MARCHF11: variants seen among roughly 807,000 people sequenced by gnomAD.
The protein encoded by MARCHF11 is E3 ubiquitin-protein ligase MARCHF11.
Under a neutral mutation model 37.3 loss-of-function variants are expected in MARCHF11, and 29 were observed. The ratio of observed to expected loss-of-function variants is 0.78; its 90% CI spans 0.58 to 1.06. MARCHF11 has a LOEUF of 1.06. Ranked by LOEUF, MARCHF11 falls within the 50% of genes least tolerant of loss-of-function variation. MARCHF11 has a pLI of 0.00. For synonymous variants in MARCHF11, 233 were observed against 228.0 expected, an observed-to-expected ratio of 1.02 and a Z score of -0.20; for missense variants, 482 against 533.4, an observed-to-expected ratio of 0.90 and a Z score of 0.95.
intron 2 of MARCHF11, among the ~76,000 whole-genome samples, chr5:16,104,103 G>A (rs1415512680): frequency 6.6e-6 from 1 of 152,140 alleles, no homozygotes; most frequent in Non-Finnish European, 1.5e-5. Context: ...CAGAGACTTC[G>A]TGTATCACCA....
intron 1 of MARCHF11, 32 bp from the exon 2 acceptor site, chr5:16,177,913 G>C (rs754493476): frequency 1.3e-6 from 2 of 1,557,250 alleles, no homozygotes; most frequent in East Asian, 2.3e-5. Context: ...GTGAATATCT[G>C]TGTCTGTGTC....
At chr5:16,163,133 C>T (rs1738111892) in intron 2 of MARCHF11, among the ~76,000 whole-genome samples, 1 of 151,944 alleles carries the variant, frequency 6.6e-6, no homozygotes, top group Non-Finnish European at 1.5e-5. Flanking sequence ...GTCAGCATAA[C>T]TTCATAATCA....
At position 16,101,262 on chromosome 5, in the gene MARCHF11, G is replaced by A. The variant is rs147529382; in HGVS notation, c.694-10181C>T. ...TGCATTTTAGGCTCCTGTAGTCCCA[G>A]CTACTCAGGAGGCTGAGGCAGGAGA... On this transcript the variant is annotated intron_variant, in intron 2 of 3. Coordinates refer to ENST00000332432, the MANE Select transcript of MARCHF11 (RefSeq NM_001102562.3). 1.2e-3 allele frequency among the ~76,000 whole-genome samples: 189 copies of A among 152,280 alleles called. 4 individuals are homozygous for A. The highest frequency in any genetic ancestry group is 4.3e-3 in the African/African-American group (177 of 41,538).
chr5:16,130,590 G>C (rs1737500579), intron 2 of MARCHF11, among the ~76,000 whole-genome samples: 1 of 152,078 alleles, frequency 6.6e-6, no homozygotes, highest in Non-Finnish European at 1.5e-5. Flanking sequence ...AATTCTCTTG[G>C]TGATGGCATA....
intron 2 of MARCHF11, among the ~76,000 whole-genome samples, chr5:16,108,288 G>T (rs897693976): frequency 1.3e-5 from 2 of 152,166 alleles, no homozygotes; most frequent in Admixed American, 1.3e-4. Context: ...TCCAACACCT[G>T]CCTGTCTGCA....
chr5:16,160,231 T>G (rs1355580072), intron 2 of MARCHF11, among the ~76,000 whole-genome samples: 1 of 147,388 alleles, frequency 6.8e-6, no homozygotes, highest in African/African-American at 2.5e-5. Flanking sequence ...AATTATCTTT[T>G]ATATTTTATA....
chr5:16,148,554 C>T (rs1737842613), intron 2 of MARCHF11, among the ~76,000 whole-genome samples: 1 of 152,150 alleles, frequency 6.6e-6, no homozygotes, highest in Non-Finnish European at 1.5e-5. Flanking sequence ...CCTTTCATTG[C>T]CTGTCCCCAC....
intron 2 of MARCHF11, among the ~76,000 whole-genome samples, chr5:16,149,847 C>T (rs1031023998): frequency 6.6e-6 from 1 of 152,036 alleles, no homozygotes; most frequent in Non-Finnish European, 1.5e-5. Flanking sequence ...GAATACTACA[C>T]AGCAATAAAA....
intron 3 of MARCHF11, among the ~76,000 whole-genome samples, chr5:16,087,485 T>C (rs1736717860): frequency 6.6e-6 from 1 of 152,374 alleles, no homozygotes; most frequent in Middle Eastern, 3.4e-3. Context: ...CTGTGTCTAA[T>C]ATAATAGTCA....
Position 16,101,813 on chromosome 5 carries a change from T to C in MARCHF11, c.694-10732A>G, listed in dbSNP as rs144360346. On this transcript the variant is annotated intron_variant, in intron 2 of 3. Coordinates refer to ENST00000332432, the MANE Select transcript of MARCHF11 (RefSeq NM_001102562.3). Reference sequence around the variant, plus strand: ...AGAATTTTCATTGAAAGCAATGACCTTCTCACTTGAAATATTTCAGTTCAT... The same window carrying C: ...AGAATTTTCATTGAAAGCAATGACCCTCTCACTTGAAATATTTCAGTTCAT... Among the ~76,000 whole-genome samples, 659 of 152,344 alleles carry C rather than the reference T, an allele frequency of 4.3e-3. 6 individuals are homozygous for C. The highest frequency in any genetic ancestry group is 0.011 in the African/African-American group (463 of 41,584).
At chr5:16,091,698 T>G (rs1292721955) in intron 2 of MARCHF11, among the ~76,000 whole-genome samples, 1 of 152,256 alleles carries the variant, frequency 6.6e-6, no homozygotes, top group Non-Finnish European at 1.5e-5. Context: ...GAAGTATTTT[T>G]GTCAAGATTT....
intron 2 of MARCHF11, among the ~76,000 whole-genome samples, chr5:16,163,337 A>G (rs1378907139): frequency 6.6e-6 from 1 of 152,106 alleles, no homozygotes; most frequent in African/African-American, 2.4e-5. Flanking sequence ...ATAAATTCAT[A>G]GGTTAACAGA....
chr5:16,152,548 GT>G lies in MARCHF11; in HGVS notation c.693+25177del, dbSNP rs779565482. On this transcript the variant is annotated intron_variant, in intron 2 of 3. Coordinates refer to ENST00000332432, the MANE Select transcript of MARCHF11 (RefSeq NM_001102562.3). ...CACAGGATAAGATTATCTACAAACG[GT>G]TTTCACAGCAAAATCAGACATCCAT... 3.3e-5 allele frequency among the ~76,000 whole-genome samples: 5 copies of G among 151,984 alleles called. 1 individual carries two copies. The highest frequency in any genetic ancestry group is 1.9e-4 in the East Asian group (1 of 5,138).
At chr5:16,133,648 T>TGCAC (rs777508728) in intron 2 of MARCHF11, among the ~76,000 whole-genome samples, 4 of 143,664 alleles carry the variant, frequency 2.8e-5, no homozygotes, top group Non-Finnish European at 4.6e-5. Flanking sequence ...CACATACACA[T>TGCAC]GCACACACAC....
chr5:16,107,221 T>A lies in MARCHF11; in HGVS notation c.694-16140A>T, dbSNP rs967968860. Among the ~76,000 whole-genome samples, 4 of 152,332 alleles carry A rather than the reference T, an allele frequency of 2.6e-5. No homozygotes were observed. In the South Asian group the frequency reaches 8.3e-4, roughly 32 times the overall value. On this transcript the variant is annotated intron_variant, in intron 2 of 3. Coordinates refer to ENST00000332432, the MANE Select transcript of MARCHF11 (RefSeq NM_001102562.3). ...ACTTAGGACCAGGGCTTATCTGATATAAAATGTGCAGGCAAATTTTCTAGA... is the reference window on the plus strand; with the variant it reads ...ACTTAGGACCAGGGCTTATCTGATAAAAAATGTGCAGGCAAATTTTCTAGA...
At chr5:16,105,708 A>G (rs957407837) in intron 2 of MARCHF11, among the ~76,000 whole-genome samples, 1 of 152,186 alleles carries the variant, frequency 6.6e-6, no homozygotes, top group Non-Finnish European at 1.5e-5. Flanking sequence ...TGAAGCATCT[A>G]TAGAAGTTCA....
Position 16,179,466 on chromosome 5 carries a change from C to A in MARCHF11, c.110G>T (p.Gly37Val). Residue 37 changes from glycine (G) to valine (V), a missense_variant, in exon 1 of 4, where the codon GGA becomes GTA. Physicochemically the swap from Gly to Val is moderately radical, Grantham distance 109. Transcript: ENST00000332432. ...PPPPPPTPPP[G>V]EPAPVPAAPR... ...GGCCGCGGGGACCGGGGCCGGCTCT[C>A]CCGGCGGCGGCGTCGGCGGCGGCGG... The A allele has an allele frequency of 1.8e-6, 2 of 1,127,970 alleles. No individual in the cohort carries two copies. Among genetic ancestry groups the A allele is most frequent in the Non-Finnish European group, 2.2e-6 (2 of 922,742 alleles). 69.9% of individuals were successfully genotyped at this position (1,127,970 alleles called of 1,614,324 possible). A position where few individuals can be genotyped will look rare whatever the true frequency, so the allele number is the denominator to read the frequency against.
chr5:16,131,636 G>A (rs1281805064), intron 2 of MARCHF11, among the ~76,000 whole-genome samples: 1 of 152,140 alleles, frequency 6.6e-6, no homozygotes, highest in Admixed American at 6.5e-5. Context: ...AATCATAAAT[G>A]AGCCGCTCAG....
At chr5:16,145,938 G>A (rs574779294) in intron 2 of MARCHF11, among the ~76,000 whole-genome samples, 1 of 152,244 alleles carries the variant, frequency 6.6e-6, no homozygotes, top group South Asian at 2.1e-4. Flanking sequence ...ACCTCTGAGA[G>A]GGTTTTATGT....
Sources: gnomAD v4.1 joint callset for allele counts (sites outside exome capture counted in the v4.1 genomes callset) on GRCh38, gnomAD v4.1.1 for gene constraint, MANE v1.5 for transcripts, NCBI Gene and HGNC (gene_info 2026-07-23, HGNC 2026-07-21) for gene names.